Variants in TEX14 observed in about 807,000 individuals in gnomAD.
The protein encoded by TEX14 is inactive serine/threonine-protein kinase TEX14.
A neutral mutation model predicts 178.6 loss-of-function variants in TEX14; 168 were observed. The observed-to-expected ratio is 0.94, with a 90% CI of 0.83 to 1.07. TEX14 has a LOEUF of 1.07. Among genes scored for constraint, TEX14 ranks in the 50% least tolerant of loss-of-function variants. The pLI is 0.00. For synonymous variants in TEX14, 626 were observed against 634.1 expected (o/e 0.99, Z 0.19); for missense variants, 1,730 against 1,753.6 (o/e 0.99, Z 0.24).
rs76668249 is a variant in TEX14 at position 58,664,347 on chromosome 17, T to C, written c.-1-12345A>G. Among the ~76,000 whole-genome samples the C allele has an allele frequency of 1.1e-4, 17 of 152,328 alleles. No individual in the cohort carries two copies. In the East Asian group the frequency reaches 3.3e-3, roughly 29 times the overall value. On this transcript the variant is annotated intron_variant, in intron 1 of 31. Transcript: ENST00000349033. ...ATATCACAGGTACTAACAGACCCTT[T>C]TTCCTATGCTGGGAGAACTCCATTT... is the stretch of plus-strand genomic sequence containing the variant.
intron 15 of TEX14, 95 bp from the exon 16 acceptor site, chr17:58,588,116 T>C: frequency 1.5e-6 from 1 of 656,594 alleles, no homozygotes; most frequent in Non-Finnish European, 2.8e-6. Flanking sequence ...TTGGGAGATT[T>C]TCAGAGGTAG....
At chr17:58,609,963 T>G (rs2045706503) in intron 10 of TEX14, among the ~76,000 whole-genome samples, 1 of 152,008 alleles carries the variant, frequency 6.6e-6, no homozygotes, top group Non-Finnish European at 1.5e-5. Context: ...TAAGAGGAAG[T>G]AGGTGGGTCT....
At chr17:58,690,739 C>T (rs2047689351) in intron 1 of TEX14, among the ~76,000 whole-genome samples, 1 of 152,174 alleles carries the variant, frequency 6.6e-6, no homozygotes, top group African/African-American at 2.4e-5. Flanking sequence ...ACAAGACTTT[C>T]TTTGACCTAC....
intron 1 of TEX14, 117 bp from the exon 2 acceptor site, chr17:58,652,119 G>T: frequency 1.4e-6 from 1 of 733,576 alleles, no homozygotes; most frequent in Non-Finnish European, 2.1e-6. Context: ...TGAAGATTAG[G>T]GGAATAATTA....
intron 2 of TEX14, among the ~76,000 whole-genome samples, chr17:58,639,155 G>A (rs1312328706): frequency 2.0e-5 from 3 of 151,280 alleles, no homozygotes; most frequent in Non-Finnish European, 4.4e-5. Context: ...GTGAGCCACC[G>A]CGCCCAGCAA....
At position 58,611,361 on chromosome 17, in the gene TEX14, C is replaced by T. The variant is rs770787050; in HGVS notation, c.1006-22G>A. ...ACCGCTGCAAGCAAGAGATGAAATG[C>T]CACGAAAAAAAAAAGGACTGGGGCC... On this transcript the variant is annotated intron_variant, in intron 9 of 31. Transcript: ENST00000349033. 8.9e-6 allele frequency: 14 copies of T among 1,576,610 alleles called. 1 individual carries two copies. The South Asian group carries it at 1.2e-4, about 13-fold the overall frequency.
At chr17:58,657,560 G>T (rs1305393926) in intron 1 of TEX14, among the ~76,000 whole-genome samples, 7 of 110,796 alleles carry the variant, frequency 6.3e-5, no homozygotes, top group African/African-American at 2.5e-4. Flanking sequence ...TGTCACCCAA[G>T]TTAGAGTGCA....
chr17:58,590,377 C>T (rs1474506548), intron 15 of TEX14, among the ~76,000 whole-genome samples: 1 of 151,854 alleles, frequency 6.6e-6, no homozygotes, highest in Non-Finnish European at 1.5e-5. Context: ...AATCTTCAAA[C>T]CCTTTGACCA....
intron 6 of TEX14, among the ~76,000 whole-genome samples, chr17:58,617,259 A>T (rs1385289092): frequency 6.6e-6 from 1 of 152,220 alleles, no homozygotes; most frequent in Admixed American, 6.5e-5. Flanking sequence ...TCAAAAAAAT[A>T]ATAATTAAAA....
At chr17:58,679,295 A>C (rs2047448641) in intron 1 of TEX14, among the ~76,000 whole-genome samples, 1 of 152,256 alleles carries the variant, frequency 6.6e-6, no homozygotes, top group Non-Finnish European at 1.5e-5. Context: ...ACACTCCCTT[A>C]GAGCCGCCAA....
rs760372814 is a variant in TEX14, at chr17:58,599,495, A to C, written c.1850T>G (p.Leu617Arg). ...ASSPSTGQPS[L>R]CSFEINEIYS... ...GATCTCGTTGATTTCGAAACTGCAGAGGCTTGGCTGACCTGTGCTGGGGCT... is the reference window on the plus strand; with the variant it reads ...GATCTCGTTGATTTCGAAACTGCAGCGGCTTGGCTGACCTGTGCTGGGGCT... Residue 617 changes from leucine to arginine, a missense_variant, in exon 14 of 32, where the codon CTC becomes CGC. By Grantham distance (102) the Leu-to-Arg change is moderately radical. Transcript: ENST00000349033. 1.1e-5 allele frequency: 17 copies of C among 1,612,936 alleles called. No homozygotes were observed. The highest frequency in any genetic ancestry group is 1.4e-5 in the Non-Finnish European group (16 of 1,179,690).
intron 12 of TEX14, 21 bp downstream of exon 12, chr17:58,602,379 C>T (rs758975054): frequency 1.3e-6 from 2 of 1,591,664 alleles, no homozygotes; most frequent in Non-Finnish European, 1.7e-6. Context: ...GAAATAAACT[C>T]CCAACAACTT....
At chr17:58,614,391 G>A (rs2045821885) in intron 8 of TEX14, among the ~76,000 whole-genome samples, 1 of 152,236 alleles carries the variant, frequency 6.6e-6, no homozygotes, top group African/African-American at 2.4e-5. Flanking sequence ...TCAGGAGGCT[G>A]AGGCCTGGGA....
rs745612630 is a variant in TEX14, at chr17:58,599,407, C to T, written c.1938G>A (p.Leu646=). The T allele has an allele frequency of 1.9e-6, 3 of 1,614,188 alleles. No individual in the cohort carries two copies. In the East Asian group the frequency reaches 6.7e-5, roughly 36 times the overall value. ...IEEPPGAASS[L]EADGPNQVDE... ...CTACCTGGTTAGGTCCGTCTGCCTC[C>T]AAAGATGAAGCAGCTCCTGGAGGCT... is the stretch of plus-strand genomic sequence containing the variant. The change falls in exon 14 of 32, where the codon TTG becomes TTA. Residue 646 remains leucine (L), a synonymous_variant. Transcript: ENST00000349033.
chr17:58,647,280 C>T (rs956858964), intron 2 of TEX14, among the ~76,000 whole-genome samples: 1 of 151,802 alleles, frequency 6.6e-6, no homozygotes, highest in Non-Finnish European at 1.5e-5. Context: ...CCCTGTAATC[C>T]CAGCACTTTG....
chr17:58,607,483 T>C (rs2045636812), intron 10 of TEX14, among the ~76,000 whole-genome samples: 1 of 115,020 alleles, frequency 8.7e-6, no homozygotes, highest in South Asian at 3.4e-4. Context: ...CCCTGTATCC[T>C]GGAGACATCC....
Position 58,635,838 on chromosome 17 carries a change from C to T in TEX14, c.137-5284G>A, listed in dbSNP as rs145816869. Among the ~76,000 whole-genome samples the T allele has an allele frequency of 2.2e-3, 334 of 152,200 alleles. 2 individuals are homozygous for T. The highest frequency in any genetic ancestry group is 0.017 in the Middle Eastern group (5 of 294). On this transcript the variant is annotated intron_variant, in intron 2 of 31. Coordinates refer to ENST00000349033, the MANE Select transcript of TEX14 (RefSeq NM_031272.5). ...CCTCCAGCCTCACCATAACCTCCAG[C>T]GGGTTCAAGCGATTCTCCTGCCTCA... is the stretch of plus-strand genomic sequence containing the variant.
At chr17:58,628,567 C>T (rs912581527) in intron 3 of TEX14, among the ~76,000 whole-genome samples, 2 of 152,178 alleles carry the variant, frequency 1.3e-5, no homozygotes, top group Non-Finnish European at 2.9e-5. Context: ...AAAACATTAG[C>T]TGGGTGTGGT....
chr17:58,577,130 A>G lies in TEX14; in HGVS notation c.3320+245T>C, dbSNP rs1268434277. ...CTTCACAGATGGGAAAATAGAATAG[A>G]GGGGTTGAGAACCTTGACAAGGTCA... On this transcript the variant is annotated intron_variant, in intron 21 of 31. Coordinates refer to ENST00000349033, the MANE Select transcript of TEX14 (RefSeq NM_031272.5). Among the ~76,000 whole-genome samples the G allele has an allele frequency of 8.5e-5, 13 of 152,226 alleles. 1 individual carries two copies. Among genetic ancestry groups the G allele is most frequent in the Admixed American group, 8.5e-4 (13 of 15,278 alleles).
Sources: allele counts gnomAD v4.1 joint callset (sites outside exome capture counted in the v4.1 genomes callset), GRCh38; gene constraint gnomAD v4.1.1; transcripts MANE v1.5; gene names NCBI Gene and HGNC (gene_info 2026-07-23, HGNC 2026-07-21).